PADI2: variants seen among roughly 807,000 people sequenced by gnomAD.
PADI2 encodes peptidyl arginine deiminase 2.
PADI2 carries 70 observed loss-of-function variants against 81.1 expected under a neutral mutation model. That is an observed-to-expected ratio of 0.86 (90% confidence interval 0.71 to 1.05). The LOEUF (loss-of-function observed/expected upper bound fraction) is 1.05, where lower values mean the gene tolerates loss of function less well. Among genes scored for constraint, PADI2 ranks in the 50% least tolerant of loss-of-function variants. The probability of loss-of-function intolerance (pLI) is 0.00; values close to 1 mark genes in which losing one functional copy is unlikely to be tolerated. For synonymous variants in PADI2, 338 were observed against 358.0 expected (o/e 0.94, Z 0.63); for missense variants, 853 against 889.9 (o/e 0.96, Z 0.53).
In PADI2 at chr1:17,103,169, C is replaced by A. The variant is rs1931213535; in HGVS notation, c.277-110G>T. On this transcript the variant is annotated intron_variant, in intron 2 of 15. Coordinates refer to ENST00000375486, the MANE Select transcript of PADI2 (RefSeq NM_007365.3). ...TGTCCCTCACAGCTTGTCAAGCCAA[C>A]CCTCTCCAAACATCAGAACCCTCTC... is the stretch of plus-strand genomic sequence containing the variant. The A allele has an allele frequency of 5.2e-6, 4 of 771,476 alleles. No homozygotes were observed. In the Admixed American group the frequency reaches 6.2e-5, roughly 12 times the overall value. The allele number at this position is 771,476 out of a possible 1,614,324, so 47.8% of individuals were successfully genotyped here. A position where few individuals can be genotyped will look rare whatever the true frequency, so the allele number is the denominator to read the frequency against.
chr1:17,119,404 C>T lies in PADI2; in HGVS notation c.-33G>A, dbSNP rs1475447706. On this transcript the variant is annotated 5_prime_UTR_variant, in exon 1 of 16. Coordinates refer to ENST00000375486, the MANE Select transcript of PADI2 (RefSeq NM_007365.3). The surrounding 1 kb of genome is among the most constrained non-coding windows in gnomAD (Gnocchi z 4.8). ...GCCGCAGTGCCCGCGCTCGCTGGTC[C>T]GGGGCGGCCGGGAGCACCTGCAGCA... 14 of 1,486,482 alleles carry T rather than the reference C, an allele frequency of 9.4e-6. No homozygotes were observed. Among genetic ancestry groups the T allele is most frequent in the Non-Finnish European group, 1.1e-5 (12 of 1,107,264 alleles). The allele number at this position is 1,486,482 out of a possible 1,614,324, so 92.1% of individuals were successfully genotyped here. A position where few individuals can be genotyped will look rare whatever the true frequency, so the allele number is the denominator to read the frequency against.
rs912665362 is a variant in PADI2 at position 17,105,074 on chromosome 1, A to T, written c.93-13T>A. The T allele has an allele frequency of 5.2e-6, 8 of 1,543,308 alleles. No homozygotes were observed. The highest frequency in any genetic ancestry group is 1.8e-4 in the Middle Eastern group (1 of 5,504). ...GGCTGGGGCCGCGCTGTGGGGAGAG[A>T]TGAGAGAGGGTTAGGGAGAGCCCTG... On this transcript the variant is annotated splice_polypyrimidine_tract_variant and intron_variant, in intron 1 of 15. Transcript: ENST00000375486.
At position 17,071,930 on chromosome 1, in the gene PADI2, G is replaced by A. The variant is rs144638747; in HGVS notation, c.1550-439C>T. On this transcript the variant is annotated intron_variant, in intron 13 of 15. Coordinates refer to ENST00000375486, the MANE Select transcript of PADI2 (RefSeq NM_007365.3). ...TGGCTGCTGCTCTGGAGTGGCCTGC[G>A]TTTTCCTCCTGTACCACACGATGGC... 7.8e-3 allele frequency among the ~76,000 whole-genome samples: 1,182 copies of A among 152,294 alleles called. 13 individuals carry two copies. The highest frequency in any genetic ancestry group is 0.027 in the African/African-American group (1,103 of 41,568).
chr1:17,094,614 C>A (rs886700415), intron 4 of PADI2, among the ~76,000 whole-genome samples: 6 of 152,218 alleles, frequency 3.9e-5, no homozygotes, highest in African/African-American at 1.4e-4. Context: ...AAGGCCAGGG[C>A]TGTGTTTCTC....
chr1:17,083,640 G>A, intron 9 of PADI2, 86 bp downstream of exon 9: 1 of 793,476 alleles, frequency 1.3e-6, no homozygotes, highest in Non-Finnish European at 2.3e-6. Context: ...CAGAGCTGCT[G>A]GGTGCCAGGC....
At chr1:17,072,593 A>G (rs1410784538) in intron 13 of PADI2, among the ~76,000 whole-genome samples, 1 of 152,128 alleles carries the variant, frequency 6.6e-6, no homozygotes, top group African/African-American at 2.4e-5. Flanking sequence ...CTCTCTGCTG[A>G]CTGCACATCC....
chr1:17,069,417 G>A (rs2078249029), intron 15 of PADI2, 140 bp from the exon 16 acceptor site: 1 of 672,476 alleles, frequency 1.5e-6, no homozygotes, highest in East Asian at 2.7e-5. Flanking sequence ...GTGGGGCTAA[G>A]TCACTCACAA....
intron 8 of PADI2, among the ~76,000 whole-genome samples, 178 bp from the exon 9 acceptor site, chr1:17,084,015 C>T (rs2101584703): frequency 6.6e-6 from 1 of 152,314 alleles, no homozygotes; most frequent in East Asian, 1.9e-4. Flanking sequence ...AGTAAACCCA[C>T]CCACTCATGT....
chr1:17,086,462 A>T (rs1273422300), intron 7 of PADI2, 59 bp downstream of exon 7: 3 of 1,430,472 alleles, frequency 2.1e-6, no homozygotes, highest in Non-Finnish European at 1.9e-6. Flanking sequence ...GCCCACTAGT[A>T]GGAGACCCAC....
At chr1:17,098,144 C>T (rs1931011587) in intron 3 of PADI2, among the ~76,000 whole-genome samples, 1 of 152,268 alleles carries the variant, frequency 6.6e-6, no homozygotes, top group Admixed American at 6.5e-5. Flanking sequence ...CCTCGGACTC[C>T]GGCTGCCTGC....
At chr1:17,071,062 C>T (rs1424793105) in intron 14 of PADI2, among the ~76,000 whole-genome samples, 1 of 152,170 alleles carries the variant, frequency 6.6e-6, no homozygotes, top group Non-Finnish European at 1.5e-5. Context: ...CCTTGGCTTC[C>T]CAAAGTTCTG....
intron 7 of PADI2, among the ~76,000 whole-genome samples, chr1:17,085,815 G>A (rs1241901327): frequency 6.6e-6 from 1 of 152,184 alleles, no homozygotes; most frequent in Non-Finnish European, 1.5e-5. Flanking sequence ...ATAAAAATGA[G>A]GGGCTCTTGT....
intron 1 of PADI2, among the ~76,000 whole-genome samples, chr1:17,111,306 G>C (rs907029295): frequency 9.9e-5 from 15 of 151,840 alleles, no homozygotes; most frequent in African/African-American, 3.4e-4. Context: ...TGTTGTCCAG[G>C]CTGGTTTGGG....
chr1:17,075,651 T>G (rs763171443), intron 12 of PADI2, 28 bp downstream of exon 12: 1 of 1,597,516 alleles, frequency 6.3e-7, no homozygotes, highest in South Asian at 1.1e-5. Context: ...GCTACCCCAT[T>G]CACTCCAGCC....
intron 1 of PADI2, among the ~76,000 whole-genome samples, chr1:17,107,859 C>T (rs1043470540): frequency 6.6e-6 from 1 of 152,144 alleles, no homozygotes; most frequent in Non-Finnish European, 1.5e-5. Context: ...TCTTGTCCTG[C>T]CCCCTTCCAA....
chr1:17,088,707 G>A (rs1351600098), intron 6 of PADI2, among the ~76,000 whole-genome samples: 1 of 151,968 alleles, frequency 6.6e-6, no homozygotes, highest in Non-Finnish European at 1.5e-5. Flanking sequence ...AGGAGTTTGA[G>A]ACAAGACTGG....
At chr1:17,086,391 T>G in intron 7 of PADI2, 130 bp downstream of exon 7, 1 of 681,522 alleles carries the variant, frequency 1.5e-6, no homozygotes, top group Non-Finnish European at 2.4e-6. Context: ...GGCATCGAGG[T>G]CTCCTAGCCT....
At chr1:17,097,499 T>G (rs1930979076) in intron 3 of PADI2, among the ~76,000 whole-genome samples, 1 of 152,098 alleles carries the variant, frequency 6.6e-6, no homozygotes, top group African/African-American at 2.4e-5. Context: ...ATTTGTAACC[T>G]CCTCCCTCCG....
At chr1:17,094,913 C>G (rs1284124234) in intron 4 of PADI2, among the ~76,000 whole-genome samples, 2 of 152,186 alleles carry the variant, frequency 1.3e-5, no homozygotes, top group Non-Finnish European at 2.9e-5. Context: ...AGGGCTGGCC[C>G]TGGTCTCAGG....
Sources: gnomAD v4.1 joint callset for allele counts (sites outside exome capture counted in the v4.1 genomes callset) on GRCh38, gnomAD v4.1.1 for gene constraint, Gnocchi (gnomAD v3.1) non-coding constraint, MANE v1.5 for transcripts, NCBI Gene and HGNC (gene_info 2026-07-23, HGNC 2026-07-21) for gene names.